TSPAN33: variants seen among roughly 807,000 people sequenced by gnomAD.
The protein encoded by TSPAN33 is tetraspanin-33.
In TSPAN33, 27 loss-of-function variants were observed where a neutral mutation model predicts 34.8. The observed-to-expected ratio is 0.78, with a 90% CI of 0.57 to 1.07. The LOEUF is 1.07. Among genes scored for constraint, TSPAN33 ranks in the 50% least tolerant of loss-of-function variants. The pLI, the probability that TSPAN33 is intolerant of heterozygous loss-of-function variation, is 0.00. For synonymous variants in TSPAN33, 119 were observed against 124.2 expected (o/e 0.96, Z 0.28); for missense variants, 272 against 324.9 (o/e 0.84, Z 1.25).
At position 129,166,916 on chromosome 7, in the gene TSPAN33, C is replaced by G. The variant is rs771767924; in HGVS notation, c.588+10C>G. ...GCCTACTCCTGACCAGGTGAGCCAGCATCCTGCCTCATTTCCTCCTAGGCA... is the reference window on the plus strand; with the variant it reads ...GCCTACTCCTGACCAGGTGAGCCAGGATCCTGCCTCATTTCCTCCTAGGCA... On this transcript the variant is annotated intron_variant, in intron 6 of 7. Transcript: ENST00000486685. The G allele has an allele frequency of 3.1e-6, 5 of 1,610,520 alleles. No homozygotes were observed.
chr7:129,152,944 G>A (rs898228200), intron 1 of TSPAN33, among the ~76,000 whole-genome samples: 3 of 150,632 alleles, frequency 2.0e-5, no homozygotes, highest in African/African-American at 7.3e-5. Context: ...TGTAACCCCA[G>A]CTACTCGGGA....
In TSPAN33 at chr7:129,166,860, A is replaced by C. The variant is rs752648441; in HGVS notation, c.542A>C (p.Glu181Ala). ...FNCSEDNPSRERCSVPYSCCL... is the reference protein window; with the variant it reads ...FNCSEDNPSRARCSVPYSCCL... ...TGCTCAGAAGACAACCCCAGTCGAG[A>C]GCGCTGCTCTGTGCCTTACTCCTGT... The change falls in exon 6 of 8, where the codon GAG becomes GCG. Residue 181 changes from glutamate to alanine, a missense_variant. Coordinates refer to ENST00000486685, the MANE Select transcript of TSPAN33 (RefSeq NM_178562.5). 6.2e-7 allele frequency: 1 copy of C among 1,614,144 alleles called. No homozygotes were observed. The highest frequency in any genetic ancestry group is 8.5e-7 in the Non-Finnish European group (1 of 1,180,030).
Position 129,164,569 on chromosome 7 carries a change from G to T in TSPAN33, c.459G>T (p.Lys153Asn). Residue 153 changes from lysine (K) to asparagine (N), a missense_variant and splice_region_variant, in exon 5 of 8, where the codon AAG (lysine) becomes AAT (asparagine). By Grantham distance (94) the Lys-to-Asn change is moderately conservative. Transcript: ENST00000486685. ...LQNLIDFGQK[K>N]FSCCGGISYK... ...ACCTCATTGATTTTGGCCAGAAAAAGGTATGGGTCAGCCAGTGGTCTGGGG... is the reference window on the plus strand; with the variant it reads ...ACCTCATTGATTTTGGCCAGAAAAATGTATGGGTCAGCCAGTGGTCTGGGG... The T allele has an allele frequency of 6.2e-7, 1 of 1,613,470 alleles. No individual in the cohort carries two copies. The highest frequency in any genetic ancestry group is 8.5e-7 in the Non-Finnish European group (1 of 1,179,804).
chr7:129,154,728 C>T (rs1346844678), intron 1 of TSPAN33, among the ~76,000 whole-genome samples: 4 of 152,020 alleles, frequency 2.6e-5, no homozygotes, highest in Admixed American at 1.3e-4. Flanking sequence ...GCAACAAGAG[C>T]GAAACTCTGT....
chr7:129,145,500 C>G (rs1230225750), intron 1 of TSPAN33, among the ~76,000 whole-genome samples: 1 of 152,030 alleles, frequency 6.6e-6, no homozygotes, highest in Non-Finnish European at 1.5e-5. Flanking sequence ...TCTCCACCAC[C>G]TCAGAGAGGA....
chr7:129,164,341 C>T (rs1793103644), intron 4 of TSPAN33, 133 bp from the exon 5 acceptor site: 4 of 775,686 alleles, frequency 5.2e-6, no homozygotes, highest in Non-Finnish European at 2.2e-6. Flanking sequence ...CTATCTTCCA[C>T]CATTAGGACT....
chr7:129,154,199 G>A (rs138545555), intron 1 of TSPAN33, among the ~76,000 whole-genome samples: 1 of 151,974 alleles, frequency 6.6e-6, no homozygotes, highest in Non-Finnish European at 1.5e-5. Context: ...GAGTGTCATG[G>A]CATGTGCCTG....
At chr7:129,147,001 A>G (rs1309520708) in intron 1 of TSPAN33, among the ~76,000 whole-genome samples, 1 of 149,928 alleles carries the variant, frequency 6.7e-6, no homozygotes, top group Non-Finnish European at 1.5e-5. Context: ...TTATCGGACA[A>G]ACGACTTTGA....
intron 1 of TSPAN33, among the ~76,000 whole-genome samples, chr7:129,150,116 C>T (rs1238195453): frequency 6.6e-6 from 1 of 152,196 alleles, no homozygotes. Flanking sequence ...ACCTTCAAAA[C>T]AGGAGGGAAA....
intron 3 of TSPAN33, 33 bp downstream of exon 3, chr7:129,162,554 G>A: frequency 6.2e-7 from 1 of 1,607,784 alleles, no homozygotes; most frequent in Non-Finnish European, 8.5e-7. Context: ...GAAAGACCCT[G>A]GCCCTCTCCC....
Position 129,144,908 on chromosome 7 carries a change from G to C in TSPAN33, c.-73G>C. 2 of 307,882 alleles carry C rather than the reference G, an allele frequency of 6.5e-6. No homozygotes were observed. The highest frequency in any genetic ancestry group is 1.4e-4 in the South Asian group (2 of 14,370). The allele number at this position is 307,882 out of a possible 1,614,324, so 19.1% of individuals were successfully genotyped here. Reference sequence around the variant, plus strand: ...GCGGCGCGGCTCGGCTCATGCCCCCGGGCGCGGGGCACACAGGCCGGCCGG... The same window carrying C: ...GCGGCGCGGCTCGGCTCATGCCCCCCGGCGCGGGGCACACAGGCCGGCCGG... On this transcript the variant is annotated 5_prime_UTR_variant, in exon 1 of 8. Coordinates refer to ENST00000486685, the MANE Select transcript of TSPAN33 (RefSeq NM_178562.5).
At chr7:129,163,405 C>G (rs1793084566) in intron 4 of TSPAN33, among the ~76,000 whole-genome samples, 1 of 145,916 alleles carries the variant, frequency 6.9e-6, no homozygotes, top group Non-Finnish European at 1.5e-5. Context: ...GCCAGGCTGG[C>G]CTTGAACTCC....
rs574027255 is a variant in TSPAN33 at position 129,168,819 on chromosome 7, G to T, written c.*945G>T. ...GGGAGCCAGAAGTGGCAATAAAAGC[G>T]TGTTGACCTGGGCTACGCGGGACTC... On this transcript the variant is annotated 3_prime_UTR_variant, in exon 8 of 8. Transcript: ENST00000486685. 1.9e-4 allele frequency: 28 copies of T among 145,852 alleles called. No homozygotes were observed. The allele number at this position is 145,852 out of a possible 1,614,324, so 9.0% of individuals were successfully genotyped here.
chr7:129,156,475 A>G (rs562467627), intron 1 of TSPAN33, among the ~76,000 whole-genome samples: 126 of 152,370 alleles, frequency 8.3e-4, no homozygotes, highest in South Asian at 3.5e-3. Context: ...TGGAGTACCT[A>G]CATGAATTAT....
rs1810493205 is a variant in TSPAN33, at chr7:129,144,820, C to G, written c.-161C>G. On this transcript the variant is annotated 5_prime_UTR_variant, in exon 1 of 8. Transcript: ENST00000486685. ...CGCGGTTCCCCGGCCCGCGCCGCTC[C>G]CGGCCCCCCGGCTCGGGCGCCTCCC... The G allele has an allele frequency of 6.7e-6, 1 of 148,632 alleles. No individual in the cohort carries two copies. The highest frequency in any genetic ancestry group is 2.4e-5 in the African/African-American group (1 of 41,028). The allele number at this position is 148,632 out of a possible 1,614,324, so 9.2% of individuals were successfully genotyped here. A position where few individuals can be genotyped will look rare whatever the true frequency, so the allele number is the denominator to read the frequency against.
chr7:129,149,553 CA>C (rs996386835), intron 1 of TSPAN33, among the ~76,000 whole-genome samples: 1 of 150,234 alleles, frequency 6.7e-6, no homozygotes, highest in South Asian at 2.1e-4. Context: ...AACTCCGTCT[CA>C]AAAAAAAAGA....
At position 129,167,504 on chromosome 7, in the gene TSPAN33, A is replaced by T; in HGVS notation, c.694A>T (p.Ile232Leu). Reference protein sequence around the residue: ...NGCIDKLVNWIHSNLFLLGGV... With the variant: ...NGCIDKLVNWLHSNLFLLGGV... ...CTGTATTGACAAGTTGGTCAACTGG[A>T]TACACAGCAACCTATTCTTACTTGG... The change falls in exon 7 of 8, where the codon ATA becomes TTA. Residue 232 changes from isoleucine to leucine, a missense_variant. By Grantham distance (5) the Ile-to-Leu change is conservative. Transcript: ENST00000486685. This position sits in a 1 kb window ranked among gnomAD's most constrained non-coding sequence, Gnocchi z 4.6. The T allele has an allele frequency of 6.2e-7, 1 of 1,614,200 alleles. No individual in the cohort carries two copies. Among genetic ancestry groups the T allele is most frequent in the Non-Finnish European group, 8.5e-7 (1 of 1,180,030 alleles).
At chr7:129,163,273 CAGAA>C (rs752095057) in intron 4 of TSPAN33, among the ~76,000 whole-genome samples, 4 of 149,212 alleles carry the variant, frequency 2.7e-5, no homozygotes, top group African/African-American at 7.4e-5. Context: ...TTGAGATAAA[CAGAA>C]GGAAGGAAGG....
chr7:129,153,532 G>A (rs1308552819), intron 1 of TSPAN33, among the ~76,000 whole-genome samples: 3 of 152,188 alleles, frequency 2.0e-5, no homozygotes, highest in South Asian at 2.1e-4. Flanking sequence ...CTAAATGCAT[G>A]ATCCTTGATT....
Sources: gnomAD v4.1 joint callset for allele counts (sites outside exome capture counted in the v4.1 genomes callset) on GRCh38, gnomAD v4.1.1 for gene constraint, Gnocchi (gnomAD v3.1) non-coding constraint, MANE v1.5 for transcripts, NCBI Gene and HGNC (gene_info 2026-07-23, HGNC 2026-07-21) for gene names.